Variants in C2CD3 observed in about 807,000 individuals in gnomAD.
C2CD3 encodes C2 domain-containing protein 3.
C2CD3 carries 148 observed loss-of-function variants against 234.0 expected under a neutral mutation model. The observed-to-expected ratio is 0.63, with a 90% CI of 0.55 to 0.72. C2CD3 has a LOEUF of 0.72. Ranked by LOEUF, C2CD3 falls within the 30% of genes least tolerant of loss-of-function variation. C2CD3 has a pLI of 0.00. For missense variants in C2CD3, 2,577 were observed against 2,811.5 expected, an observed-to-expected ratio of 0.92 and a Z score of 1.89; for synonymous variants, 1,000 against 1,035.4, an observed-to-expected ratio of 0.97 and a Z score of 0.66.
intron 13 of C2CD3, among the ~76,000 whole-genome samples, chr11:74,104,209 TAAAG>T (rs1354494211): frequency 6.6e-6 from 1 of 151,960 alleles, no homozygotes; most frequent in Non-Finnish European, 1.5e-5. Flanking sequence ...TATTGAAAAA[TAAAG>T]AAAGGCTGCA....
At chr11:74,117,099 T>C (rs1957017934) in intron 9 of C2CD3, among the ~76,000 whole-genome samples, 1 of 58,854 alleles carries the variant, frequency 1.7e-5, no homozygotes, top group African/African-American at 8.2e-5. Context: ...TATATATATA[T>C]GAATATATAT....
intron 25 of C2CD3, among the ~76,000 whole-genome samples, chr11:74,055,818 A>T (rs1232911114): frequency 3.9e-5 from 6 of 152,272 alleles, no homozygotes; most frequent in African/African-American, 1.4e-4. Flanking sequence ...TGTTGCCAAC[A>T]GACTATGTAG....
intron 24 of C2CD3, among the ~76,000 whole-genome samples, chr11:74,067,346 G>T (rs1954587823): frequency 6.6e-6 from 1 of 152,000 alleles, no homozygotes; most frequent in Non-Finnish European, 1.5e-5. Flanking sequence ...GCAGGACCTG[G>T]AAAAAGGCTG....
At chr11:74,081,194 G>C (rs1485865860) in intron 22 of C2CD3, among the ~76,000 whole-genome samples, 1 of 152,072 alleles carries the variant, frequency 6.6e-6, no homozygotes. Flanking sequence ...TTGTAGACTT[G>C]TCAGGATTAA....
intron 7 of C2CD3, chr11:74,130,083 C>T (rs187257500): frequency 7.7e-6 from 1 of 129,604 alleles, no homozygotes; most frequent in Non-Finnish European, 1.6e-5. Context: ...GAGACGGAGA[C>T]CGTGGGGAGA....
intron 13 of C2CD3, among the ~76,000 whole-genome samples, chr11:74,105,481 G>C (rs1819356225): frequency 6.6e-6 from 1 of 152,040 alleles, no homozygotes; most frequent in Admixed American, 6.6e-5. Flanking sequence ...ATGTTGCCCA[G>C]GCTGGTCTAG....
intron 22 of C2CD3, among the ~76,000 whole-genome samples, chr11:74,080,394 C>T (rs1377972046): frequency 1.3e-5 from 2 of 152,092 alleles, no homozygotes; most frequent in Non-Finnish European, 2.9e-5. Flanking sequence ...AGGGCTTTGG[C>T]TCTAAGATTA....
Position 74,094,017 on chromosome 11 carries a change from A to G in C2CD3, c.3161-18T>C, listed in dbSNP as rs201746682. On this transcript the variant is annotated intron_variant, in intron 17 of 32. Coordinates refer to ENST00000334126, the MANE Select transcript of C2CD3 (RefSeq NM_001286577.2). ...AGTAATTCCTTTGGAAAAGAAAAGC[A>G]TTTCAGAATAATCCAACATATGACT... 6.3e-7 allele frequency: 1 copy of G among 1,599,108 alleles called. No individual in the cohort carries two copies. The highest frequency in any genetic ancestry group is 8.6e-7 in the Non-Finnish European group (1 of 1,167,846).
At chr11:74,158,520 C>T (rs542557037) in intron 3 of C2CD3, among the ~76,000 whole-genome samples, 4 of 152,022 alleles carry the variant, frequency 2.6e-5, no homozygotes, top group South Asian at 2.1e-4. Flanking sequence ...GTCAGGAGTT[C>T]GAGACCAGCC....
intron 30 of C2CD3, among the ~76,000 whole-genome samples, chr11:74,035,626 C>G (rs774164005): frequency 3.3e-5 from 5 of 152,124 alleles, no homozygotes; most frequent in Admixed American, 3.3e-4. Context: ...AAGTTTCACT[C>G]ATATCCATTT....
chr11:74,047,869 A>G (rs1953463577), intron 28 of C2CD3, among the ~76,000 whole-genome samples: 1 of 152,236 alleles, frequency 6.6e-6, no homozygotes, highest in African/African-American at 2.4e-5. Flanking sequence ...TTTGTAAAAT[A>G]AACTGGCACA....
intron 5 of C2CD3, among the ~76,000 whole-genome samples, chr11:74,134,997 C>G (rs1380281109): frequency 6.6e-6 from 1 of 152,178 alleles, no homozygotes; most frequent in East Asian, 1.9e-4. Flanking sequence ...AGTCCATAAA[C>G]ATCAAAACAT....
intron 14 of C2CD3, among the ~76,000 whole-genome samples, chr11:74,102,605 C>A (rs1210184922): frequency 6.6e-6 from 1 of 152,170 alleles, no homozygotes; most frequent in Non-Finnish European, 1.5e-5. Context: ...GGTTACCACC[C>A]TTTTCCTAGT....
At chr11:74,144,558 G>A (rs1855035652) in intron 3 of C2CD3, among the ~76,000 whole-genome samples, 1 of 152,124 alleles carries the variant, frequency 6.6e-6, no homozygotes, top group African/African-American at 2.4e-5. Flanking sequence ...CAGGTACTAA[G>A]CACAGTACCC....
intron 4 of C2CD3, 79 bp downstream of exon 4, chr11:74,139,526 C>G (rs1957975213): frequency 9.6e-7 from 1 of 1,043,272 alleles, no homozygotes; most frequent in Admixed American, 1.7e-5. Flanking sequence ...ATCTTTTACT[C>G]AACCATAAAT....
Position 74,060,740 on chromosome 11 carries a change from G to A in C2CD3, c.4952-3196C>T, listed in dbSNP as rs142539054. On this transcript the variant is annotated intron_variant, in intron 24 of 32. Transcript: ENST00000334126. ...CTCCTCCAAAGGAACACAGCTCTTCGCCAGCAACGGAACAAAGTTGGACGG... is the reference window on the plus strand; with the variant it reads ...CTCCTCCAAAGGAACACAGCTCTTCACCAGCAACGGAACAAAGTTGGACGG... Among the ~76,000 whole-genome samples the A allele has an allele frequency of 1.2e-4, 18 of 152,274 alleles. No homozygotes were observed. In the East Asian group the frequency reaches 3.3e-3, roughly 28 times the overall value.
At position 74,114,518 on chromosome 11, in the gene C2CD3, C is replaced by T; in HGVS notation, c.1596G>A (p.Leu532=). The T allele has an allele frequency of 6.2e-7, 1 of 1,613,746 alleles. No individual in the cohort carries two copies. The highest frequency in any genetic ancestry group is 1.3e-5 in the African/African-American group (1 of 74,990). Residue 532 remains leucine, a synonymous_variant, in exon 10 of 33, where the codon CTG becomes CTA. Coordinates refer to ENST00000334126, the MANE Select transcript of C2CD3 (RefSeq NM_001286577.2). ...CTGAATGTGTTCTACCCAAAAGGGC[C>T]AGTCTATCCACACTTAGTGTCATCG... ...AQTMTLSVDR[L]ALLGRTHSVR... is the part of the protein sequence containing the mutation.
intron 2 of C2CD3, among the ~76,000 whole-genome samples, chr11:74,162,378 A>G (rs1856534478): frequency 6.6e-6 from 1 of 152,158 alleles, no homozygotes; most frequent in African/African-American, 2.4e-5. Context: ...TTATAAGTAA[A>G]TATATTCTTG....
intron 24 of C2CD3, among the ~76,000 whole-genome samples, chr11:74,058,418 T>C (rs1954057692): frequency 6.6e-6 from 1 of 152,152 alleles, no homozygotes; most frequent in Non-Finnish European, 1.5e-5. Flanking sequence ...TTCTATCCTA[T>C]TGATTATTTC....
Sources: allele counts gnomAD v4.1 joint callset (sites outside exome capture counted in the v4.1 genomes callset), GRCh38; gene constraint gnomAD v4.1.1; transcripts MANE v1.5; gene names NCBI Gene and HGNC (gene_info 2026-07-23, HGNC 2026-07-21).